Variants in ARFGEF1 observed in about 807,000 individuals in gnomAD.
ARFGEF1 encodes the protein ARF guanine nucleotide exchange factor 1.
In ARFGEF1, 42 loss-of-function variants were observed where a neutral mutation model predicts 231.0. The observed-to-expected ratio is 0.18, with a 90% CI of 0.14 to 0.24. The LOEUF is 0.24. Ranked by LOEUF, ARFGEF1 falls within the 10% of genes least tolerant of loss-of-function variation. The probability of loss-of-function intolerance (pLI) is 1.00; values close to 1 mark genes in which losing one functional copy is unlikely to be tolerated. For missense variants in ARFGEF1, 1,345 were observed against 2,192.0 expected, an observed-to-expected ratio of 0.61 and a Z score of 7.72; for synonymous variants, 710 against 732.3, an observed-to-expected ratio of 0.97 and a Z score of 0.49.
intron 5 of ARFGEF1, among the ~76,000 whole-genome samples, chr8:67,187,796 C>G (rs750332045): frequency 7.2e-5 from 11 of 152,194 alleles, no homozygotes; most frequent in Non-Finnish European, 1.5e-4. Flanking sequence ...AAAAGATAGT[C>G]TTCTCTACAA....
chr8:67,200,609 A>C lies in ARFGEF1; in HGVS notation c.5268-96T>G. 4 of 746,722 alleles carry C rather than the reference A, an allele frequency of 5.4e-6. No individual in the cohort carries two copies. The Admixed American group carries it at 8.8e-5, about 17-fold the overall frequency. The allele number at this position is 746,722 out of a possible 1,614,324, so 46.3% of individuals were successfully genotyped here. A position where few individuals can be genotyped will look rare whatever the true frequency, so the allele number is the denominator to read the frequency against. On this transcript the variant is annotated intron_variant, in intron 37 of 38. Coordinates refer to ENST00000262215, the MANE Select transcript of ARFGEF1 (RefSeq NM_006421.5). ...AATCATGAACATAGTAGTGAATATG[A>C]ACTATTCAAGAACATGTTAGATCCC...
At chr8:67,332,481 C>T (rs1418840869) in intron 1 of ARFGEF1, among the ~76,000 whole-genome samples, 1 of 152,118 alleles carries the variant, frequency 6.6e-6, no homozygotes, top group Non-Finnish European at 1.5e-5. Context: ...TTAGAAGATA[C>T]ATACACACGA....
chr8:67,263,488 G>A (rs2128892281), intron 14 of ARFGEF1, among the ~76,000 whole-genome samples: 1 of 152,224 alleles, frequency 6.6e-6, no homozygotes, highest in South Asian at 2.1e-4. Context: ...TGGAGAATAA[G>A]GCCTTCTGTA....
At chr8:67,185,658 T>C (rs1834362125) in intron 5 of ARFGEF1, among the ~76,000 whole-genome samples, 1 of 152,168 alleles carries the variant, frequency 6.6e-6, no homozygotes, top group Admixed American at 6.5e-5. Context: ...TCTTGAAGTA[T>C]ATCTGGAAAG....
intron 36 of ARFGEF1, among the ~76,000 whole-genome samples, chr8:67,202,252 CTT>C (rs886531965): frequency 3.8e-4 from 58 of 152,128 alleles, no homozygotes; most frequent in African/African-American, 1.4e-3. Flanking sequence ...AATTATATTT[CTT>C]TCTTTTTTCT....
intron 19 of ARFGEF1, among the ~76,000 whole-genome samples, chr8:67,242,957 G>A (rs1390908160): frequency 6.6e-6 from 1 of 152,198 alleles, no homozygotes; most frequent in Non-Finnish European, 1.5e-5. Context: ...GGAAGAGTGG[G>A]AAGCACTGTG....
chr8:67,333,823 T>C (rs1808215738), intron 1 of ARFGEF1, among the ~76,000 whole-genome samples: 8 of 152,170 alleles, frequency 5.3e-5, no homozygotes, highest in Admixed American at 5.2e-4. Flanking sequence ...GTCAAAATTT[T>C]GTTTCATGCA....
At chr8:67,238,630 T>A in intron 21 of ARFGEF1, 105 bp downstream of exon 21, 1 of 1,452,730 alleles carries the variant, frequency 6.9e-7, no homozygotes, top group East Asian at 2.3e-5. Flanking sequence ...TTATTCGAAA[T>A]GTACTAATTT....
At chr8:67,291,349 T>C (rs1225789315) in intron 6 of ARFGEF1, among the ~76,000 whole-genome samples, 4 of 152,056 alleles carry the variant, frequency 2.6e-5, no homozygotes, top group East Asian at 1.9e-4. Context: ...CTATGCATCA[T>C]GATTTTAAAA....
At chr8:67,323,019 GA>G (rs1216779254) in intron 1 of ARFGEF1, among the ~76,000 whole-genome samples, 3 of 152,118 alleles carry the variant, frequency 2.0e-5, no homozygotes, top group Non-Finnish European at 4.4e-5. Context: ...ATTACTTTGA[GA>G]GGGGGTGGAT....
rs918103972 is a variant in ARFGEF1 at position 67,183,843 on chromosome 8, ATTT to A, written c.561-8274_561-8272del. Among the ~76,000 whole-genome samples, 139 of 108,206 alleles carry A rather than the reference ATTT, an allele frequency of 1.3e-3. 1 individual carries two copies. Among genetic ancestry groups the A allele is most frequent in the Middle Eastern group, 0.01 (2 of 194 alleles). 71.0% of individuals were successfully genotyped at this position (108,206 alleles called of 152,430 possible). A position where few individuals can be genotyped will look rare whatever the true frequency, so the allele number is the denominator to read the frequency against. On this transcript the variant is annotated intron_variant, in intron 5 of 5. Transcript: ENST00000518789. ...AGCCAGACTATGTAAAAAATTGGGAATTTTTTTTTTTTTTTTTTTTTTTTTTTT... is the reference window on the plus strand; with the variant it reads ...AGCCAGACTATGTAAAAAATTGGGAATTTTTTTTTTTTTTTTTTTTTTTTT...
At chr8:67,314,644 C>A (rs543249710) in intron 1 of ARFGEF1, among the ~76,000 whole-genome samples, 2 of 133,072 alleles carry the variant, frequency 1.5e-5, no homozygotes, top group Admixed American at 1.5e-4. Flanking sequence ...GGAAATCTCC[C>A]GGGTCCTGCA....
chr8:67,334,497 G>C (rs1001466687), intron 1 of ARFGEF1, among the ~76,000 whole-genome samples: 5 of 152,138 alleles, frequency 3.3e-5, no homozygotes, highest in African/African-American at 1.2e-4. Context: ...TGGGTATGTA[G>C]GCTGGAAAAG....
chr8:67,228,140 A>G lies in ARFGEF1; in HGVS notation c.3422-8T>C. ...GCCAACGGACAAAATCCACTGTAAT[A>G]TAAATACATTTTTTTTTTAGCTCAA... On this transcript the variant is annotated splice_region_variant and splice_polypyrimidine_tract_variant and intron_variant, in intron 24 of 38. Coordinates refer to ENST00000262215, the MANE Select transcript of ARFGEF1 (RefSeq NM_006421.5). The G allele has an allele frequency of 6.2e-7, 1 of 1,609,834 alleles. No homozygotes were observed. Among genetic ancestry groups the G allele is most frequent in the Non-Finnish European group, 8.5e-7 (1 of 1,178,568 alleles).
At position 67,343,695 on chromosome 8, in the gene ARFGEF1, G is replaced by T; in HGVS notation, c.-408C>A. 1.3e-6 allele frequency: 1 copy of T among 791,720 alleles called. No individual in the cohort carries two copies. The highest frequency in any genetic ancestry group is 1.5e-6 in the Non-Finnish European group (1 of 650,360). The allele number at this position is 791,720 out of a possible 1,614,324, so 49.0% of individuals were successfully genotyped here. ...GGCACCGCGAGAGAAGGGCTACCCT[G>T]GCTACTGTGGGGATTAGCACCCGCC... On this transcript the variant is annotated 5_prime_UTR_variant, in exon 1 of 39. Transcript: ENST00000262215.
At chr8:67,295,762 T>C (rs190629826) in intron 5 of ARFGEF1, among the ~76,000 whole-genome samples, 17 of 152,266 alleles carry the variant, frequency 1.1e-4, no homozygotes, top group Admixed American at 8.5e-4. Flanking sequence ...ATTGTACCAG[T>C]GTTAATTCTG....
chr8:67,197,114 G>A (rs1416904702), downstream of ARFGEF1, among the ~76,000 whole-genome samples: 1 of 152,168 alleles, frequency 6.6e-6, no homozygotes, highest in African/African-American at 2.4e-5. Context: ...TTCAAGTAGT[G>A]TAGCCTGATG....
intron 4 of ARFGEF1, 96 bp from the exon 5 acceptor site, chr8:67,296,706 A>G (rs1246275181): frequency 1.0e-5 from 10 of 972,332 alleles, no homozygotes; most frequent in Non-Finnish European, 1.5e-5. Flanking sequence ...GCTGGAGTGC[A>G]GTAGTGTGAT....
chr8:67,187,804 C>T (rs1010547464), intron 5 of ARFGEF1, among the ~76,000 whole-genome samples: 1 of 152,190 alleles, frequency 6.6e-6, no homozygotes, highest in Non-Finnish European at 1.5e-5. Context: ...GTCTTCTCTA[C>T]AAATAATGCT....
Sources: gnomAD v4.1 joint callset for allele counts (sites outside exome capture counted in the v4.1 genomes callset) on GRCh38, gnomAD v4.1.1 for gene constraint, MANE v1.5 for transcripts, NCBI Gene and HGNC (gene_info 2026-07-23, HGNC 2026-07-21) for gene names.